Variants in CSNK1G3 observed in about 807,000 individuals in gnomAD.
CSNK1G3 encodes the protein casein kinase 1 gamma 3, also known as casein kinase I isoform gamma-3.
CSNK1G3 carries 23 observed loss-of-function variants against 64.3 expected under a neutral mutation model. The ratio of observed to expected loss-of-function variants is 0.36; its 90% CI spans 0.26 to 0.51. CSNK1G3 has a LOEUF of 0.51. Among genes scored for constraint, CSNK1G3 ranks in the 20% least tolerant of loss-of-function variants. CSNK1G3 has a pLI of 0.96. For synonymous variants in CSNK1G3, 158 were observed against 162.2 expected (o/e 0.97, Z 0.20); for missense variants, 357 against 510.5 (o/e 0.70, Z 2.90).
intron 10 of CSNK1G3, among the ~76,000 whole-genome samples, chr5:123,595,391 T>A (rs1416179679): frequency 6.6e-6 from 1 of 152,210 alleles, no homozygotes; most frequent in African/African-American, 2.4e-5. Flanking sequence ...TATAGCAGAT[T>A]AGAAAAACAA....
At position 123,516,794 on chromosome 5, in the gene CSNK1G3, A is replaced by G. The variant is rs188076832; in HGVS notation, c.-248+4224A>G. On this transcript the variant is annotated intron_variant, in intron 1 of 12. Coordinates refer to ENST00000345990, the Ensembl canonical transcript of CSNK1G3. ...ATGGAATGAGAGATGGTCTCATGAT[A>G]CTCTTTTTCTTAAATACAAAGTTTA... is the stretch of plus-strand genomic sequence containing the variant. Among the ~76,000 whole-genome samples the G allele has an allele frequency of 1.8e-3, 278 of 152,064 alleles. 1 individual carries two copies. Among genetic ancestry groups the G allele is most frequent in the Non-Finnish European group, 2.3e-3 (158 of 67,946 alleles).
chr5:123,519,882 A>G (rs565351962), intron 1 of CSNK1G3, among the ~76,000 whole-genome samples: 3 of 152,236 alleles, frequency 2.0e-5, no homozygotes, highest in East Asian at 1.9e-4. Flanking sequence ...TTAGGAGGCC[A>G]TAATAATCTT....
chr5:123,577,836 A>G (rs1226931914), intron 6 of CSNK1G3, among the ~76,000 whole-genome samples: 2 of 151,890 alleles, frequency 1.3e-5, no homozygotes, highest in Admixed American at 6.6e-5. Context: ...AAGATTTAGA[A>G]CACTATCATT....
chr5:123,608,929 A>C (rs185071003), intron 12 of CSNK1G3, among the ~76,000 whole-genome samples: 4 of 152,296 alleles, frequency 2.6e-5, no homozygotes, highest in South Asian at 2.1e-4. Context: ...CAGAAAATGG[A>C]GTATGTCCTC....
intron 4 of CSNK1G3, among the ~76,000 whole-genome samples, chr5:123,560,747 A>G (rs1388357825): frequency 2.6e-5 from 4 of 152,156 alleles, no homozygotes; most frequent in Admixed American, 6.6e-5. Context: ...TTCACTTAAC[A>G]TGAGGTTGGA....
At chr5:123,570,341 CCTTT>C (rs921687578) in intron 4 of CSNK1G3, among the ~76,000 whole-genome samples, 9 of 147,370 alleles carry the variant, frequency 6.1e-5, no homozygotes, top group South Asian at 4.2e-4. Context: ...TTTTGACAGT[CCTTT>C]CTTTTTTTTT....
intron 3 of CSNK1G3, among the ~76,000 whole-genome samples, chr5:123,555,992 A>G (rs1300038606): frequency 1.3e-5 from 2 of 152,124 alleles, no homozygotes; most frequent in African/African-American, 4.8e-5. Flanking sequence ...TTTTAACCCA[A>G]TTTTACAGAT....
intron 1 of CSNK1G3, among the ~76,000 whole-genome samples, chr5:123,527,617 A>C (rs182102641): frequency 2.5e-4 from 38 of 152,286 alleles, no homozygotes; most frequent in African/African-American, 9.1e-4. Flanking sequence ...TGGCCTTTGC[A>C]TATACTAGTC....
exon 13 of CSNK1G3, chr5:123,616,991 T>A (rs1395429055): frequency 6.6e-6 from 1 of 152,174 alleles, no homozygotes; most frequent in Non-Finnish European, 1.5e-5. Context: ...ATAAAAAAAA[T>A]TATACTTCTC....
At chr5:123,518,547 T>C (rs1199111435) in intron 1 of CSNK1G3, among the ~76,000 whole-genome samples, 1 of 152,224 alleles carries the variant, frequency 6.6e-6, no homozygotes, top group Non-Finnish European at 1.5e-5. Context: ...TCTCTCTCTC[T>C]CTTTCTGTCT....
Position 123,512,579 on chromosome 5 carries a change from C to G in CSNK1G3, c.-248+9C>G, listed in dbSNP as rs527852271. 5 of 151,224 alleles carry G rather than the reference C, an allele frequency of 3.3e-5. No homozygotes were observed. In the South Asian group the frequency reaches 8.3e-4, roughly 25 times the overall value. 9.4% of individuals were successfully genotyped at this position (151,224 alleles called of 1,614,324 possible). On this transcript the variant is annotated intron_variant, in intron 1 of 12. Coordinates refer to ENST00000345990, the Ensembl canonical transcript of CSNK1G3. ...GCGGCCGCGCCTTTGAGGTAAAGCC[C>G]CCTGCGCGTAGGTGCTCCGCTGCCA...
At chr5:123,512,556 G>A (rs1324379000) in exon 1 of CSNK1G3, 1 of 151,614 alleles carries the variant, frequency 6.6e-6, no homozygotes, top group African/African-American at 2.4e-5. Flanking sequence ...CTCTGCTCGC[G>A]GCCGCGCCTT....
chr5:123,564,423 T>A (rs996334389), intron 4 of CSNK1G3, among the ~76,000 whole-genome samples: 1 of 152,026 alleles, frequency 6.6e-6, no homozygotes, highest in African/African-American at 2.4e-5. Flanking sequence ...AGTAAAAAGA[T>A]AGAAAGTATA....
chr5:123,525,903 C>T (rs1347705040), intron 1 of CSNK1G3, among the ~76,000 whole-genome samples: 1 of 149,004 alleles, frequency 6.7e-6, no homozygotes, highest in Non-Finnish European at 1.5e-5. Flanking sequence ...GAAGCTGAGG[C>T]AGGAGAACGG....
intron 1 of CSNK1G3, among the ~76,000 whole-genome samples, chr5:123,536,459 A>G (rs1780835457): frequency 6.6e-6 from 1 of 150,504 alleles, no homozygotes; most frequent in African/African-American, 2.4e-5. Flanking sequence ...AAGCTTCTTA[A>G]AGCTAGATAG....
At chr5:123,551,610 T>C (rs1783667228) in intron 2 of CSNK1G3, among the ~76,000 whole-genome samples, 1 of 152,174 alleles carries the variant, frequency 6.6e-6, no homozygotes, top group Non-Finnish European at 1.5e-5. Context: ...AACACTACTG[T>C]ACAAAGGTGG....
At chr5:123,554,018 C>G (rs1218253970) in intron 3 of CSNK1G3, among the ~76,000 whole-genome samples, 1 of 152,030 alleles carries the variant, frequency 6.6e-6, no homozygotes, top group East Asian at 1.9e-4. Flanking sequence ...TCAATATAAC[C>G]TCTGTTATTA....
At chr5:123,616,969 GCTTT>G (rs1483110631) in exon 13 of CSNK1G3, 1 of 152,010 alleles carries the variant, frequency 6.6e-6, no homozygotes, top group Non-Finnish European at 1.5e-5. Context: ...AAGGATCTAA[GCTTT>G]CTTTAATATA....
chr5:123,539,320 C>T (rs1411535519), intron 1 of CSNK1G3, among the ~76,000 whole-genome samples: 1 of 151,430 alleles, frequency 6.6e-6, no homozygotes, highest in African/African-American at 2.4e-5. Context: ...TGGTGTGTGT[C>T]TGTGGTCTCA....
Sources: gnomAD v4.1 joint callset for allele counts (sites outside exome capture counted in the v4.1 genomes callset) on GRCh38, gnomAD v4.1.1 for gene constraint, MANE v1.5 for transcripts, NCBI Gene and HGNC (gene_info 2026-07-23, HGNC 2026-07-21) for gene names.